ZNF844: variants seen among roughly 807,000 people sequenced by gnomAD.
The protein encoded by ZNF844 is zinc finger protein 844.
Under a neutral mutation model 11.4 loss-of-function variants are expected in ZNF844, and 11 were observed. The ratio of observed to expected loss-of-function variants is 0.97; its 90% confidence interval spans 0.61 to 1.60. ZNF844 has a LOEUF of 1.60. Ranked by LOEUF, ZNF844 falls within the 40% of genes most tolerant of loss-of-function variation. The pLI is 0.00. For missense variants in ZNF844, 790 were observed against 796.8 expected, an observed-to-expected ratio of 0.99 and a Z score of 0.10; for synonymous variants, 248 against 260.3, an observed-to-expected ratio of 0.95 and a Z score of 0.46.
rs966048147 is a variant in ZNF844 at position 12,075,921 on chromosome 19, C to T, written c.801C>T (p.Ser267=). ...ECGKAFGSPN[S]LYEHRRTHTG... is the part of the protein sequence containing the mutation. ...GGAAAGCATTCGGTAGTCCCAATTCCCTTTATGAACATAGAAGAACTCACA... is the reference window on the plus strand; with the variant it reads ...GGAAAGCATTCGGTAGTCCCAATTCTCTTTATGAACATAGAAGAACTCACA... Residue 267 remains serine (S), a synonymous_variant, in exon 4 of 4, where the codon TCC becomes TCT. Transcript: ENST00000439326. 19 of 1,601,824 alleles carry T rather than the reference C, an allele frequency of 1.2e-5. No homozygotes were observed. The highest frequency in any genetic ancestry group is 1.5e-5 in the Non-Finnish European group (18 of 1,173,456).
chr19:12,065,849 G>A (rs111314179), intron 1 of ZNF844, among the ~76,000 whole-genome samples: 2,048 of 151,994 alleles, frequency 0.013, 51 homozygotes, highest in African/African-American at 0.047. Flanking sequence ...TGGCCAAGGT[G>A]GTCTTGAACT....
intron 1 of ZNF844, among the ~76,000 whole-genome samples, chr19:12,066,547 T>TTC (rs1228499606): frequency 7.0e-6 from 1 of 143,596 alleles, no homozygotes; most frequent in African/African-American, 2.6e-5. Context: ...TTTTTTTTTT[T>TTC]TTTTTTTGTT....
chr19:12,076,029 CAGTG>C lies in ZNF844; in HGVS notation c.912_915del (p.Ser304ArgfsTer25). 2 of 1,569,466 alleles carry C rather than the reference CAGTG, an allele frequency of 1.3e-6. No individual in the cohort carries two copies. The highest frequency in any genetic ancestry group is 2.3e-5 in the South Asian group (2 of 86,628). ...CCTTTCAAATACATGAAAGAACTCA[CAGTG>C]AGGAGAAGGCTTATGAATGTACCAA... On this transcript the variant is annotated frameshift_variant, in exon 4 of 4. Transcript: ENST00000439326. LOFTEE classifies it low-confidence loss of function (END_TRUNC).
Position 12,080,386 on chromosome 19 carries a change from T to C in ZNF844, c.*3265T>C. 5.8e-6 allele frequency: 2 copies of C among 342,486 alleles called. No individual in the cohort carries two copies. Among genetic ancestry groups the C allele is most frequent in the Non-Finnish European group, 5.5e-6 (1 of 181,252 alleles). The allele number at this position is 342,486 out of a possible 1,614,324, so 21.2% of individuals were successfully genotyped here. On this transcript the variant is annotated 3_prime_UTR_variant, in exon 4 of 4. Coordinates refer to ENST00000439326, the MANE Select transcript of ZNF844 (RefSeq NM_001136501.3). ...AAAAAAGAGAAGTCTGACAGGACAA[T>C]AAAATTTAGAAATGGAGTTGGAGGA...
At chr19:12,069,953 CA>C (rs34426508) in intron 1 of ZNF844, among the ~76,000 whole-genome samples, 1,958 of 64,924 alleles carry the variant, frequency 0.03, 30 homozygotes, top group African/African-American at 0.071. Flanking sequence ...GACTCCGTCT[CA>C]AAAAAAAAAA....
intron 1 of ZNF844, chr19:12,070,343 T>C (rs1975742153): frequency 6.6e-6 from 1 of 152,210 alleles, no homozygotes; most frequent in Non-Finnish European, 1.5e-5. Context: ...ATTGAATATC[T>C]GGTCCATCTT....
At chr19:12,069,512 T>A (rs1975730056) in intron 1 of ZNF844, among the ~76,000 whole-genome samples, 1 of 151,236 alleles carries the variant, frequency 6.6e-6, no homozygotes, top group Admixed American at 6.6e-5. Flanking sequence ...AAAGGAGAAT[T>A]GAAATAAGGA....
At chr19:12,069,025 C>T (rs1278460809) in intron 1 of ZNF844, among the ~76,000 whole-genome samples, 1 of 152,168 alleles carries the variant, frequency 6.6e-6, no homozygotes, top group Non-Finnish European at 1.5e-5. Flanking sequence ...CTGAGAGAAT[C>T]TCAGAGCCCT....
At chr19:12,066,251 G>A (rs1386359937) in intron 1 of ZNF844, among the ~76,000 whole-genome samples, 3 of 151,874 alleles carry the variant, frequency 2.0e-5, no homozygotes, top group Non-Finnish European at 4.4e-5. Flanking sequence ...GCAGAATCGG[G>A]GAAGAGGTGG....
Position 12,077,259 on chromosome 19 carries a change from C to T in ZNF844, c.*138C>T, listed in dbSNP as rs563061116. The T allele has an allele frequency of 2.3e-5, 34 of 1,447,446 alleles. No homozygotes were observed. Among genetic ancestry groups the T allele is most frequent in the Admixed American group, 1.2e-4 (7 of 57,744 alleles). The allele number at this position is 1,447,446 out of a possible 1,614,324, so 89.7% of individuals were successfully genotyped here. A position where few individuals can be genotyped will look rare whatever the true frequency, so the allele number is the denominator to read the frequency against. On this transcript the variant is annotated 3_prime_UTR_variant, in exon 4 of 4. Transcript: ENST00000439326. The stretch of plus-strand genomic sequence containing the variant: ...AGCCTTCATTTCTTCCACTGCCATT[C>T]GTAGACATGAAAGGACTCACACTGG...
At chr19:12,069,380 C>T (rs1975728352) in intron 1 of ZNF844, among the ~76,000 whole-genome samples, 1 of 151,194 alleles carries the variant, frequency 6.6e-6, no homozygotes, top group African/African-American at 2.4e-5. Flanking sequence ...GATAGGGTTT[C>T]ACCATGTTGG....
Position 12,077,197 on chromosome 19 carries a change from C to A in ZNF844, c.*76C>A, listed in dbSNP as rs1471771526. 3.1e-6 allele frequency: 5 copies of A among 1,601,188 alleles called. No homozygotes were observed. In the East Asian group the frequency reaches 1.1e-4, roughly 36 times the overall value. On this transcript the variant is annotated 3_prime_UTR_variant, in exon 4 of 4. Transcript: ENST00000439326. ...TTTCAGTGTCATAAAAGGATTCACA[C>A]TGGAGAGAAACCCTATGAGTGTAAG...
rs149012917 is a variant in ZNF844 at position 12,073,402 on chromosome 19, C to T, written c.4-629C>T. Reference sequence around the variant, plus strand: ...AACTCCTGATCTCAAGCGATCCGCACGCCTCAGCCTTCCAAAGTCCTGGGA... The same window carrying T: ...AACTCCTGATCTCAAGCGATCCGCATGCCTCAGCCTTCCAAAGTCCTGGGA... On this transcript the variant is annotated intron_variant, in intron 1 of 3. Transcript: ENST00000439326. Among the ~76,000 whole-genome samples, 772 of 152,194 alleles carry T rather than the reference C, an allele frequency of 5.1e-3. 6 individuals carry two copies. Among genetic ancestry groups the T allele is most frequent in the African/African-American group, 0.018 (734 of 41,528 alleles).
chr19:12,080,321 G>C lies in ZNF844; in HGVS notation c.*3200G>C, dbSNP rs147634757. 3.5e-6 allele frequency: 1 copy of C among 287,258 alleles called. No individual in the cohort carries two copies. Among genetic ancestry groups the C allele is most frequent in the African/African-American group, 2.5e-5 (1 of 40,746 alleles). The allele number at this position is 287,258 out of a possible 1,614,324, so 17.8% of individuals were successfully genotyped here. A position where few individuals can be genotyped will look rare whatever the true frequency, so the allele number is the denominator to read the frequency against. ...ACCGAGATCGCGCCACTGCACTCCA[G>C]CGGCGACAGAGCAAGACTCCGTCTC... On this transcript the variant is annotated 3_prime_UTR_variant, in exon 4 of 4. Transcript: ENST00000439326.
At chr19:12,067,528 A>C (rs1420751103) in intron 1 of ZNF844, among the ~76,000 whole-genome samples, 2 of 144,658 alleles carry the variant, frequency 1.4e-5, no homozygotes, top group South Asian at 2.2e-4. Flanking sequence ...AATTGCTTGC[A>C]CCTGGGAGGC....
In ZNF844 at chr19:12,077,461, A is replaced by G. The variant is rs902531659; in HGVS notation, c.*340A>G. 6.7e-6 allele frequency: 4 copies of G among 599,790 alleles called. No individual in the cohort carries two copies. In the African/African-American group the frequency reaches 7.7e-5, roughly 11 times the overall value. The allele number at this position is 599,790 out of a possible 1,614,324, so 37.2% of individuals were successfully genotyped here. On this transcript the variant is annotated 3_prime_UTR_variant, in exon 4 of 4. Transcript: ENST00000439326. Reference sequence around the variant, plus strand: ...GAAAAGACCCACACCAGAGAGAAACACTATGAATGTAAGCAGTGTGGGAAA... The same window carrying G: ...GAAAAGACCCACACCAGAGAGAAACGCTATGAATGTAAGCAGTGTGGGAAA...
intron 1 of ZNF844, among the ~76,000 whole-genome samples, chr19:12,066,322 G>GT (rs1232879293): frequency 6.6e-6 from 1 of 151,846 alleles, no homozygotes; most frequent in African/African-American, 2.4e-5. Context: ...GTGGGCCTGA[G>GT]TGGAGCCATG....
At chr19:12,070,177 C>A (rs1975740309) in intron 1 of ZNF844, 1 of 150,210 alleles carries the variant, frequency 6.7e-6, no homozygotes, top group Non-Finnish European at 1.5e-5. Flanking sequence ...TGTGGTCATG[C>A]CACGCTGAAC....
chr19:12,075,531 A>G lies in ZNF844; in HGVS notation c.411A>G (p.Gly137=). Residue 137 remains glycine, a synonymous_variant, in exon 4 of 4, where the codon GGA becomes GGG. Transcript: ENST00000439326. ...AGCCGTCTGAGTATCAGGAATATGG[A>G]CAGGAGCCATATAAGTGTCAACAAC... ...AHKPSEYQEY[G]QEPYKCQQRK... The G allele has an allele frequency of 6.2e-7, 1 of 1,614,054 alleles. No individual in the cohort carries two copies. The highest frequency in any genetic ancestry group is 8.5e-7 in the Non-Finnish European group (1 of 1,179,990).
Sources: gnomAD v4.1 joint callset for allele counts (sites outside exome capture counted in the v4.1 genomes callset) on GRCh38, gnomAD v4.1.1 for gene constraint, MANE v1.5 for transcripts, NCBI Gene and HGNC (gene_info 2026-07-23, HGNC 2026-07-21) for gene names.